ENTREP2: variants seen among roughly 807,000 people sequenced by gnomAD.
The protein encoded by ENTREP2 is protein ENTREP2.
At chr15:29,454,331 G>A in the ENTREP2 span, among the ~76,000 whole-genome samples, 20 of 152,186 alleles carry the variant, frequency 1.3e-4, no homozygotes, top group Admixed American at 8.5e-4. Flanking sequence ...TAATAGGGAT[G>A]GATTGGCAGG....
the ENTREP2 span, among the ~76,000 whole-genome samples, chr15:29,302,691 A>C: frequency 8.5e-5 from 13 of 152,138 alleles, no homozygotes. Context: ...ACGGAAAAAG[A>C]GGGTTGGTGC....
chr15:29,548,361 C>T, the ENTREP2 span, among the ~76,000 whole-genome samples: 6 of 149,912 alleles, frequency 4.0e-5, no homozygotes, highest in African/African-American at 1.5e-4. Flanking sequence ...GAGGCTGAGA[C>T]ACGAGAATTG....
the ENTREP2 span, among the ~76,000 whole-genome samples, chr15:29,630,187 T>A: frequency 6.6e-6 from 1 of 152,178 alleles, no homozygotes; most frequent in Non-Finnish European, 1.5e-5. Flanking sequence ...TCTATTCCTT[T>A]GTCTGCGAAT....
At chr15:29,470,505 C>T in the ENTREP2 span, among the ~76,000 whole-genome samples, 3 of 152,338 alleles carry the variant, frequency 2.0e-5, no homozygotes, top group South Asian at 2.1e-4. Context: ...ACTCGTCACT[C>T]GGACAACCAG....
the ENTREP2 span, among the ~76,000 whole-genome samples, chr15:29,358,702 T>C: frequency 6.6e-6 from 1 of 152,028 alleles, no homozygotes; most frequent in Non-Finnish European, 1.5e-5. Context: ...ACAGTCTAAA[T>C]ATTTACATAA....
the ENTREP2 span, among the ~76,000 whole-genome samples, chr15:29,578,761 A>G: frequency 1.2e-4 from 19 of 152,346 alleles, no homozygotes; most frequent in African/African-American, 4.6e-4. Flanking sequence ...GTCCTAGCAG[A>G]TAGTGGTATT....
chr15:29,190,239 T>C, the ENTREP2 span, among the ~76,000 whole-genome samples: 59,429 of 151,990 alleles, frequency 0.39, 11,891 homozygotes, highest in East Asian at 0.55. Flanking sequence ...CTGTGTGGTG[T>C]GGTGGAGTTC....
chr15:29,553,594 C>G, the ENTREP2 span, among the ~76,000 whole-genome samples: 306 of 152,270 alleles, frequency 2.0e-3, 1 homozygote, highest in African/African-American at 7.0e-3. Context: ...CAACTGAGTA[C>G]AGAGGAAATG....
At chr15:29,392,661 T>C in the ENTREP2 span, among the ~76,000 whole-genome samples, 1 of 152,212 alleles carries the variant, frequency 6.6e-6, no homozygotes, top group African/African-American at 2.4e-5. Flanking sequence ...CTTTTTAATC[T>C]TCTTTGAGAG....
the ENTREP2 span, among the ~76,000 whole-genome samples, chr15:29,390,482 C>T: frequency 6.6e-6 from 1 of 152,168 alleles, no homozygotes; most frequent in South Asian, 2.1e-4. Flanking sequence ...GGAGGCCGAA[C>T]CTTGCGAGCA....
At chr15:29,578,243 C>G in the ENTREP2 span, among the ~76,000 whole-genome samples, 1 of 152,102 alleles carries the variant, frequency 6.6e-6, no homozygotes, top group Non-Finnish European at 1.5e-5. Flanking sequence ...ATGCTGCAGC[C>G]AACGTGGAAA....
chr15:29,251,171 T>C, the ENTREP2 span, among the ~76,000 whole-genome samples: 1 of 152,114 alleles, frequency 6.6e-6, no homozygotes, highest in East Asian at 1.9e-4. Context: ...TAGCCACAGG[T>C]AGAGCAGGCA....
the ENTREP2 span, among the ~76,000 whole-genome samples, chr15:29,332,235 A>G: frequency 6.6e-6 from 1 of 152,200 alleles, no homozygotes; most frequent in East Asian, 1.9e-4. Flanking sequence ...TACAAAAAGA[A>G]GGTGGTTTTA....
chr15:29,159,907 C>A, the ENTREP2 span, among the ~76,000 whole-genome samples: 2 of 152,270 alleles, frequency 1.3e-5, no homozygotes, highest in African/African-American at 4.8e-5. Context: ...CCTGCCAGTA[C>A]CGCGCTGTGC....
the ENTREP2 span, among the ~76,000 whole-genome samples, chr15:29,264,807 AATG>A: frequency 5.3e-5 from 8 of 152,348 alleles, no homozygotes; most frequent in Non-Finnish European, 8.8e-5. Context: ...CCTCAAAAAT[AATG>A]ATAATATAGG....
chr15:29,403,079 C>T, the ENTREP2 span, among the ~76,000 whole-genome samples: 1 of 152,156 alleles, frequency 6.6e-6, no homozygotes, highest in Admixed American at 6.5e-5. Context: ...ACCAGAATCC[C>T]TGCACAGTGA....
chr15:29,667,038 T>C, the ENTREP2 span, among the ~76,000 whole-genome samples: 1 of 152,152 alleles, frequency 6.6e-6, no homozygotes, highest in Non-Finnish European at 1.5e-5. Flanking sequence ...TCCCTTCTTA[T>C]AAAGACACCA....
chr15:29,461,058 G>A, the ENTREP2 span, among the ~76,000 whole-genome samples: 1 of 151,296 alleles, frequency 6.6e-6, no homozygotes, highest in Admixed American at 6.6e-5. Flanking sequence ...CAATAACTAC[G>A]GCATCAACAC....
At chr15:29,561,081 C>A in the ENTREP2 span, among the ~76,000 whole-genome samples, 1 of 12,584 alleles carries the variant, frequency 7.9e-5, no homozygotes, top group Non-Finnish European at 1.4e-4. Context: ...TGGCTATTCT[C>A]ACAATGACAA....
Sources: allele counts gnomAD v4.1 joint callset (sites outside exome capture counted in the v4.1 genomes callset), GRCh38; gene constraint gnomAD v4.1.1; transcripts MANE v1.5; gene names NCBI Gene and HGNC (gene_info 2026-07-23, HGNC 2026-07-21).